Variants in SYN3 observed in about 807,000 individuals in gnomAD.
SYN3 encodes the protein synapsin III.
SYN3 carries 35 observed loss-of-function variants against 65.8 expected under a neutral mutation model. That is an observed-to-expected ratio of 0.53 (90% CI 0.41 to 0.70). The LOEUF is 0.70. Ranked by LOEUF, SYN3 falls within the 30% of genes least tolerant of loss-of-function variation. The probability of loss-of-function intolerance (pLI) is 0.00; values close to 1 mark genes in which losing one functional copy is unlikely to be tolerated. For synonymous variants in SYN3, 270 were observed against 292.9 expected (o/e 0.92, Z 0.80); for missense variants, 680 against 749.0 (o/e 0.91, Z 1.08).
chr22:32,816,949 A>G (rs1318324453), intron 6 of SYN3, among the ~76,000 whole-genome samples: 1 of 152,122 alleles, frequency 6.6e-6, no homozygotes, highest in Non-Finnish European at 1.5e-5. Context: ...AGCCGGGCAC[A>G]GCGGCTCACG....
At chr22:32,642,475 C>G (rs957758560) in intron 6 of SYN3, among the ~76,000 whole-genome samples, 27 of 151,228 alleles carry the variant, frequency 1.8e-4, no homozygotes, top group African/African-American at 5.8e-4. Context: ...GAGTCTTGCT[C>G]TGTCGCCCAG....
chr22:32,647,335 G>A (rs2059997966), intron 6 of SYN3, among the ~76,000 whole-genome samples: 1 of 152,160 alleles, frequency 6.6e-6, no homozygotes, highest in South Asian at 2.1e-4. Context: ...AGAGATCCTG[G>A]TGGCATCTGA....
intron 6 of SYN3, among the ~76,000 whole-genome samples, chr22:32,714,628 A>G (rs1006460318): frequency 1.3e-5 from 2 of 151,890 alleles, no homozygotes; most frequent in African/African-American, 4.8e-5. Flanking sequence ...TTCTAAGTAT[A>G]GCTCATGACC....
chr22:33,037,194 T>C (rs987214880), intron 1 of SYN3, among the ~76,000 whole-genome samples: 1 of 152,220 alleles, frequency 6.6e-6, no homozygotes, highest in African/African-American at 2.4e-5. Context: ...TTTCCTCCCA[T>C]GTATGGCAAT....
intron 6 of SYN3, among the ~76,000 whole-genome samples, chr22:32,675,305 C>A (rs950189181): frequency 1.2e-4 from 19 of 152,196 alleles, no homozygotes; most frequent in African/African-American, 4.6e-4. Flanking sequence ...ACAAAATACC[C>A]TCACCTAACA....
At position 32,921,256 on chromosome 22, in the gene SYN3, T is replaced by C. The variant is rs2050327991; in HGVS notation, c.461+10134A>G. On this transcript the variant is annotated intron_variant, in intron 4 of 13. Coordinates refer to ENST00000358763, the MANE Select transcript of SYN3 (RefSeq NM_003490.4). The stretch of plus-strand genomic sequence containing the variant: ...GTTTGTGGAATGAATGCACAAACTT[T>C]TCATAGATGACATCTCATGTCATCC... 3.9e-5 allele frequency among the ~76,000 whole-genome samples: 6 copies of C among 152,190 alleles called. No homozygotes were observed. The South Asian group carries it at 1.2e-3, about 32-fold the overall frequency.
Position 32,876,698 on chromosome 22 carries a change from A to G in SYN3, c.462-7573T>C, listed in dbSNP as rs147840758. ...ATGGAAAATGAAACAGTGGAGTCAC[A>G]TCATGGAAAATGCTTATGGTACAAT... On this transcript the variant is annotated intron_variant, in intron 4 of 13. Transcript: ENST00000358763. Among the ~76,000 whole-genome samples the G allele has an allele frequency of 7.8e-3, 1,192 of 152,334 alleles. 15 individuals are homozygous for G. Among genetic ancestry groups the G allele is most frequent in the African/African-American group, 0.027 (1,126 of 41,582 alleles).
chr22:32,790,572 C>T (rs1004437198), intron 6 of SYN3, among the ~76,000 whole-genome samples: 3 of 152,032 alleles, frequency 2.0e-5, no homozygotes, highest in Admixed American at 6.6e-5. Flanking sequence ...ACTACAGGCA[C>T]GTGCTACCAA....
chr22:32,869,367 T>TCTCTCTCTCTCTCTCTCTCTCTCA (rs61464794), intron 4 of SYN3, among the ~76,000 whole-genome samples: 32 of 142,464 alleles, frequency 2.2e-4, no homozygotes, highest in African/African-American at 4.2e-4. Context: ...TCTCTCTCTC[T>TCTCTCTCTCTCTCTCTCTCTCTCA]CACAGGCTCT....
At chr22:32,769,594 G>A (rs1602103914) in intron 6 of SYN3, among the ~76,000 whole-genome samples, 1 of 150,070 alleles carries the variant, frequency 6.7e-6, no homozygotes, top group Admixed American at 6.7e-5. Flanking sequence ...TCGGCTCAAC[G>A]CAACCTCCGC....
At chr22:32,631,366 T>C (rs546591856) in intron 6 of SYN3, among the ~76,000 whole-genome samples, 5 of 151,566 alleles carry the variant, frequency 3.3e-5, no homozygotes, top group African/African-American at 1.2e-4. Flanking sequence ...TTTGAGATGT[T>C]GGGTTTTTGT....
chr22:32,891,877 C>T (rs2049457134), intron 4 of SYN3, among the ~76,000 whole-genome samples: 1 of 151,922 alleles, frequency 6.6e-6, no homozygotes, highest in Non-Finnish European at 1.5e-5. Context: ...CACAGAACTG[C>T]TGTGAGGACC....
intron 6 of SYN3, among the ~76,000 whole-genome samples, chr22:32,781,172 C>T (rs964317394): frequency 4.6e-5 from 7 of 151,198 alleles, no homozygotes; most frequent in African/African-American, 1.7e-4. Context: ...ACTACCAAGA[C>T]CTGCAAGGCT....
chr22:32,564,358 T>G (rs1407566875), intron 7 of SYN3, among the ~76,000 whole-genome samples: 2 of 152,206 alleles, frequency 1.3e-5, no homozygotes, highest in African/African-American at 4.8e-5. Context: ...GGATGCCTAC[T>G]GGGAATCTGG....
intron 7 of SYN3, among the ~76,000 whole-genome samples, chr22:32,560,062 C>T (rs2058564979): frequency 6.6e-6 from 1 of 152,196 alleles, no homozygotes; most frequent in Admixed American, 6.5e-5. Flanking sequence ...GCCTGCAGCC[C>T]CTCCCAAGTG....
chr22:32,631,967 AT>A (rs1185576939), intron 6 of SYN3, among the ~76,000 whole-genome samples: 1 of 152,208 alleles, frequency 6.6e-6, no homozygotes, highest in Non-Finnish European at 1.5e-5. Context: ...TGGCTCTTAG[AT>A]TGACTTCCTA....
intron 7 of SYN3, among the ~76,000 whole-genome samples, chr22:32,564,324 A>T (rs1185266652): frequency 6.6e-6 from 1 of 152,198 alleles, no homozygotes. Flanking sequence ...CTTCCAGGTC[A>T]CATAGCTGGT....
intron 6 of SYN3, among the ~76,000 whole-genome samples, chr22:32,644,601 A>G (rs1056346393): frequency 6.6e-6 from 1 of 152,224 alleles, no homozygotes; most frequent in African/African-American, 2.4e-5. Flanking sequence ...AGGCACATGC[A>G]CAGGAAACTG....
At chr22:32,571,137 G>A (rs1040707474) in intron 7 of SYN3, among the ~76,000 whole-genome samples, 1 of 152,160 alleles carries the variant, frequency 6.6e-6, no homozygotes, top group Non-Finnish European at 1.5e-5. Flanking sequence ...GGTGCTACAG[G>A]AGGCAGTCTG....
Sources: gnomAD v4.1 joint callset for allele counts (sites outside exome capture counted in the v4.1 genomes callset) on GRCh38, gnomAD v4.1.1 for gene constraint, MANE v1.5 for transcripts, NCBI Gene and HGNC (gene_info 2026-07-23, HGNC 2026-07-21) for gene names.